BNC2: variants seen among roughly 807,000 people sequenced by gnomAD.
The protein encoded by BNC2 is basonuclin zinc finger protein 2, also known as zinc finger protein basonuclin-2.
Under a neutral mutation model 76.3 loss-of-function variants are expected in BNC2, and 20 were observed. The observed-to-expected ratio is 0.26, with a 90% confidence interval of 0.18 to 0.38. The LOEUF (loss-of-function observed/expected upper bound fraction) is 0.38, where lower values mean the gene tolerates loss of function less well. BNC2 is among the 10% of genes least tolerant of loss of function. BNC2 has a pLI of 1.00. For missense variants in BNC2, 1,382 were observed against 1,399.8 expected (o/e 0.99, Z 0.20); for synonymous variants, 582 against 514.8 (o/e 1.13, Z -1.77).
chr9:16,528,887 C>T (rs1817892623), intron 5 of BNC2, among the ~76,000 whole-genome samples: 1 of 152,174 alleles, frequency 6.6e-6, no homozygotes, highest in Non-Finnish European at 1.5e-5. Flanking sequence ...AAATTACTAC[C>T]ACCGTAGTGG....
intron 5 of BNC2, among the ~76,000 whole-genome samples, chr9:16,498,868 T>C (rs1456770636): frequency 6.6e-6 from 1 of 151,864 alleles, no homozygotes; most frequent in East Asian, 1.9e-4. Context: ...GCAGAGGAGG[T>C]GCGTGTCCCT....
chr9:16,805,559 C>G (rs1817887878), intron 1 of BNC2, among the ~76,000 whole-genome samples: 1 of 152,050 alleles, frequency 6.6e-6, no homozygotes, highest in South Asian at 2.1e-4. Context: ...AACTCCTGAC[C>G]TCAGGTGATC....
chr9:16,718,681 T>C (rs189063834), intron 3 of BNC2, among the ~76,000 whole-genome samples: 8 of 152,244 alleles, frequency 5.3e-5, no homozygotes, highest in African/African-American at 1.2e-4. Flanking sequence ...CAAAAAGCTA[T>C]AGTCAAGAAA....
At chr9:16,480,854 C>T (rs920394209) in intron 5 of BNC2, among the ~76,000 whole-genome samples, 10 of 152,318 alleles carry the variant, frequency 6.6e-5, no homozygotes, top group South Asian at 4.1e-4. Flanking sequence ...TGCTCCACGG[C>T]GCCCAGTCCC....
rs370163486 is a variant in BNC2, at chr9:16,853,602, C to G, written c.3+17044G>C. 7.9e-5 allele frequency among the ~76,000 whole-genome samples: 12 copies of G among 152,262 alleles called. No individual in the cohort carries two copies. The East Asian group carries it at 2.3e-3, about 30-fold the overall frequency. ...AAATTTGCAGCTGGGCGCTGTGGCT[C>G]GCGCCTGCAATCCCACCACTTTAGG... On this transcript the variant is annotated intron_variant, in intron 1 of 6. Transcript: ENST00000380672.
intron 4 of BNC2, among the ~76,000 whole-genome samples, chr9:16,564,570 G>A (rs1023980202): frequency 1.3e-5 from 2 of 152,070 alleles, no homozygotes; most frequent in Admixed American, 1.3e-4. Context: ...CTATGCAGAT[G>A]ATCCCTAACC....
In BNC2 at chr9:16,792,104, C is replaced by CAA. The variant is rs35590121; in HGVS notation, c.4-53621_4-53620dup. ...GTGATAGAACAAGACCTTGACCCTCCAAAAAAAAAAAAAAAATCAACTAGA... is the reference window on the plus strand; with the variant it reads ...GTGATAGAACAAGACCTTGACCCTCCAAAAAAAAAAAAAAAAAATCAACTAGA... On this transcript the variant is annotated intron_variant, in intron 1 of 6. Transcript: ENST00000380672. Among the ~76,000 whole-genome samples the CAA allele has an allele frequency of 8.0e-3, 1,015 of 127,144 alleles. 13 individuals carry two copies. The highest frequency in any genetic ancestry group is 0.012 in the Non-Finnish European group (742 of 63,214). The allele number at this position is 127,144 out of a possible 152,430, so 83.4% of individuals were successfully genotyped here.
chr9:16,754,849 C>T (rs1028083630), intron 1 of BNC2, among the ~76,000 whole-genome samples: 3 of 152,188 alleles, frequency 2.0e-5, no homozygotes, highest in Non-Finnish European at 2.9e-5. Context: ...TGAGCCACCG[C>T]GCCCGGCCCC....
intron 4 of BNC2, among the ~76,000 whole-genome samples, chr9:16,577,358 T>A (rs1201574746): frequency 6.6e-6 from 1 of 151,728 alleles, no homozygotes; most frequent in Non-Finnish European, 1.5e-5. Context: ...AAAAATTATA[T>A]CCAGTGAATA....
At chr9:16,793,868 G>GTTTTTTTT (rs1188831320) in intron 1 of BNC2, among the ~76,000 whole-genome samples, 1 of 115,908 alleles carries the variant, frequency 8.6e-6, no homozygotes, top group African/African-American at 3.6e-5. Flanking sequence ...TTGTTTTTTT[G>GTTTTTTTT]TTTTTTTTTT....
At chr9:16,847,146 T>C (rs1819001551) in intron 1 of BNC2, among the ~76,000 whole-genome samples, 1 of 152,126 alleles carries the variant, frequency 6.6e-6, no homozygotes, top group Non-Finnish European at 1.5e-5. Flanking sequence ...ACTTTCCAAT[T>C]ACTAGAAGTA....
At chr9:16,421,550 C>T (rs1379598726) in intron 6 of BNC2, among the ~76,000 whole-genome samples, 1 of 152,160 alleles carries the variant, frequency 6.6e-6, no homozygotes, top group Non-Finnish European at 1.5e-5. Context: ...ACCAAATTCA[C>T]AGCATCATCA....
chr9:16,701,863 AC>A (rs5896699), intron 3 of BNC2, among the ~76,000 whole-genome samples: 89,159 of 147,246 alleles, frequency 0.61, 30,322 homozygotes, highest in Non-Finnish European at 0.79. Flanking sequence ...AATCACTTGA[AC>A]CCGGGAGGCG....
intron 1 of BNC2, among the ~76,000 whole-genome samples, chr9:16,803,174 G>A (rs1281362656): frequency 1.3e-5 from 2 of 152,164 alleles, no homozygotes; most frequent in African/African-American, 4.8e-5. Context: ...TTCCAACAAA[G>A]CAGGAAGGCA....
intron 5 of BNC2, among the ~76,000 whole-genome samples, chr9:16,512,262 T>C (rs7044580): frequency 0.11 from 16,898 of 152,220 alleles, 1,260 homozygotes; most frequent in East Asian, 0.29. Flanking sequence ...ACTGAGTACT[T>C]TTAAAAATCA....
At chr9:16,460,430 C>T (rs1384741934) in intron 5 of BNC2, among the ~76,000 whole-genome samples, 1 of 152,130 alleles carries the variant, frequency 6.6e-6, no homozygotes, top group African/African-American at 2.4e-5. Flanking sequence ...CGAGACCAGC[C>T]TGGCCAACAT....
At chr9:16,472,159 C>T (rs1426058480) in intron 5 of BNC2, among the ~76,000 whole-genome samples, 1 of 152,134 alleles carries the variant, frequency 6.6e-6, no homozygotes, top group Non-Finnish European at 1.5e-5. Context: ...AGGATATATT[C>T]CAAAGGCCTC....
At chr9:16,449,141 C>T (rs1246615043) in intron 5 of BNC2, among the ~76,000 whole-genome samples, 1 of 152,120 alleles carries the variant, frequency 6.6e-6, no homozygotes, top group East Asian at 1.9e-4. Context: ...AGAAAGCGTA[C>T]ATTATAGAGC....
chr9:16,447,018 T>C (rs527458982), intron 5 of BNC2, among the ~76,000 whole-genome samples: 4 of 152,180 alleles, frequency 2.6e-5, no homozygotes, highest in African/African-American at 9.6e-5. Context: ...TGTCTGGAAT[T>C]GGACTTCAAA....
Sources: allele counts gnomAD v4.1 joint callset (sites outside exome capture counted in the v4.1 genomes callset), GRCh38; gene constraint gnomAD v4.1.1; transcripts MANE v1.5; gene names NCBI Gene and HGNC (gene_info 2026-07-23, HGNC 2026-07-21).